Variants in ANKRD26 observed in about 807,000 individuals in gnomAD.
ANKRD26 encodes the protein ankyrin repeat domain-containing protein 26.
A neutral mutation model predicts 208.7 loss-of-function variants in ANKRD26; 141 were observed. The ratio of observed to expected loss-of-function variants is 0.68; its 90% confidence interval spans 0.59 to 0.78. ANKRD26 has a LOEUF of 0.78. ANKRD26 is among the 30% of genes least tolerant of loss of function. ANKRD26 has a pLI of 0.00. For missense variants in ANKRD26, 1,889 were observed against 1,938.7 expected (o/e 0.97, Z 0.48); for synonymous variants, 636 against 660.4 (o/e 0.96, Z 0.57).
chr10:26,976,021 G>A (rs2052222098), exon 6 of ANKRD26, among the ~76,000 whole-genome samples: 1 of 151,522 alleles, frequency 6.6e-6, no homozygotes. Flanking sequence ...TTTTTTCCAT[G>A]TTTGATTAAT....
At chr10:26,983,829 C>T (rs1022142231) in intron 3 of ANKRD26, among the ~76,000 whole-genome samples, 1 of 152,044 alleles carries the variant, frequency 6.6e-6, no homozygotes. Flanking sequence ...ACGTATTGTC[C>T]TTTTTTATGC....
At chr10:27,027,542 T>C (rs569695721) in intron 27 of ANKRD26, among the ~76,000 whole-genome samples, 1 of 152,200 alleles carries the variant, frequency 6.6e-6, no homozygotes, top group Non-Finnish European at 1.5e-5. Context: ...ACAAACAAAA[T>C]GTATATAAAA....
At chr10:27,019,116 T>C (rs1052232471) in intron 29 of ANKRD26, among the ~76,000 whole-genome samples, 8 of 151,822 alleles carry the variant, frequency 5.3e-5, no homozygotes. Context: ...CCATCTCTAC[T>C]AAAAATACAA....
At chr10:26,969,602 T>C (rs2052114663), downstream of ANKRD26, among the ~76,000 whole-genome samples, 1 of 152,198 alleles carries the variant, frequency 6.6e-6, no homozygotes, top group South Asian at 2.1e-4. Context: ...GATCCAGACA[T>C]TCAGCTTCCA....
At chr10:26,971,383 A>C (rs934988085), downstream of ANKRD26, among the ~76,000 whole-genome samples, 1 of 151,388 alleles carries the variant, frequency 6.6e-6, no homozygotes, top group African/African-American at 2.4e-5. Context: ...ACCTTGTCTC[A>C]AAAAAAGAGA....
intron 4 of ANKRD26, among the ~76,000 whole-genome samples, chr10:26,982,255 C>G (rs2052319682): frequency 6.6e-6 from 1 of 152,140 alleles, no homozygotes; most frequent in South Asian, 2.1e-4. Context: ...TAATTTTCTT[C>G]TGGGCAAACT....
At chr10:26,993,874 C>A (rs2052532963) in intron 5 of ANKRD26, among the ~76,000 whole-genome samples, 1 of 152,142 alleles carries the variant, frequency 6.6e-6, no homozygotes, top group African/African-American at 2.4e-5. Context: ...TAATCCTGAG[C>A]CCATTGTAGA....
intron 25 of ANKRD26, chr10:27,030,572 C>T (rs982522444): frequency 1.0e-5 from 10 of 985,166 alleles, no homozygotes; most frequent in African/African-American, 8.7e-5. Context: ...GGTGGGAAAG[C>T]GGTATGAATC....
At chr10:27,024,602 A>G in intron 27 of ANKRD26, 43 bp from the exon 28 acceptor site, 4 of 1,145,530 alleles carry the variant, frequency 3.5e-6, no homozygotes, top group Non-Finnish European at 5.2e-6. Flanking sequence ...AACTCTGGAA[A>G]CACTTTTTTT....
intron 12 of ANKRD26, among the ~76,000 whole-genome samples, chr10:27,063,470 G>A (rs1564403795): frequency 6.6e-6 from 1 of 151,910 alleles, no homozygotes; most frequent in Non-Finnish European, 1.5e-5. Context: ...ACAGGTGCGT[G>A]CCACCACACC....
intron 4 of ANKRD26, chr10:27,088,423 A>C (rs2056192484): frequency 6.6e-6 from 1 of 152,228 alleles, no homozygotes; most frequent in African/African-American, 2.4e-5. Context: ...TGCTGAAGCA[A>C]GCACAAAACC....
chr10:26,951,019 C>CTTTTTTTTTTTTTTTTTT, the ANKRD26 span, among the ~76,000 whole-genome samples: 7 of 48,582 alleles, frequency 1.4e-4, no homozygotes, highest in East Asian at 4.5e-4. Flanking sequence ...TTTTCTTTTT[C>CTTTTTTTTTTTTTTTTTT]TTTTTTTTTT....
Position 27,048,186 on chromosome 10 carries a change from G to C in ANKRD26, c.1814+615C>G, listed in dbSNP as rs2054525739. Among the ~76,000 whole-genome samples the C allele has an allele frequency of 2.6e-5, 4 of 152,266 alleles. No individual in the cohort carries two copies. In the South Asian group the frequency reaches 8.3e-4, roughly 32 times the overall value. ...ACCCAGTATACTGAAATGTTTACAT[G>C]TACTACAGATCTCTCTGTGCAATCC... is the stretch of plus-strand genomic sequence containing the variant. On this transcript the variant is annotated intron_variant, in intron 17 of 33. Coordinates refer to ENST00000376087, the MANE Select transcript of ANKRD26 (RefSeq NM_014915.3).
At chr10:26,970,540 G>A (rs537754206), downstream of ANKRD26, among the ~76,000 whole-genome samples, 26 of 152,202 alleles carry the variant, frequency 1.7e-4, 1 homozygote, top group South Asian at 5.2e-3. Flanking sequence ...AGCTTCGTGA[G>A]GTCCCCCAGA....
chr10:27,046,343 T>C lies in ANKRD26; in HGVS notation c.1985+10A>G, dbSNP rs1403762650. ...CCTCCATAGAAAAATAAAGAAATCA[T>C]AGATTTTACCTTCCTTCATCCTCAT... On this transcript the variant is annotated intron_variant, in intron 18 of 33. Transcript: ENST00000376087. 1.2e-6 allele frequency: 2 copies of C among 1,613,576 alleles called. No homozygotes were observed. Among genetic ancestry groups the C allele is most frequent in the Non-Finnish European group, 1.7e-6 (2 of 1,179,766 alleles).
intron 3 of ANKRD26, among the ~76,000 whole-genome samples, chr10:27,092,937 G>T (rs573500179): frequency 2.0e-5 from 3 of 152,222 alleles, no homozygotes; most frequent in South Asian, 2.1e-4. Flanking sequence ...ACAAAAATTA[G>T]CTGGGCATGG....
intron 32 of ANKRD26, among the ~76,000 whole-genome samples, chr10:27,008,565 TTTA>T (rs1316458045): frequency 1.3e-5 from 2 of 152,202 alleles, no homozygotes; most frequent in Non-Finnish European, 2.9e-5. Flanking sequence ...TGTAATAAAT[TTTA>T]TTATTTCTTT....
chr10:26,999,751 TAGGCTAG>T (rs1371585884), downstream of ANKRD26, among the ~76,000 whole-genome samples: 1 of 129,498 alleles, frequency 7.7e-6, no homozygotes, highest in Non-Finnish European at 1.5e-5. Context: ...TCCACACTCA[TAGGCTAG>T]AGGGGTTCAG....
chr10:26,959,214 G>T, the ANKRD26 span, among the ~76,000 whole-genome samples: 1 of 151,506 alleles, frequency 6.6e-6, no homozygotes, highest in Non-Finnish European at 1.5e-5. Context: ...GGAGGCGGAG[G>T]TTGCAGTGAG....
Sources: allele counts gnomAD v4.1 joint callset (sites outside exome capture counted in the v4.1 genomes callset), GRCh38; gene constraint gnomAD v4.1.1; transcripts MANE v1.5; gene names NCBI Gene and HGNC (gene_info 2026-07-23, HGNC 2026-07-21).